The following CEMIP variants were observed in gnomAD, a reference collection of about 807,000 sequenced individuals.
The protein encoded by CEMIP is cell migration inducing hyaluronidase 1, also known as cell migration-inducing and hyaluronan-binding protein.
A neutral mutation model predicts 156.9 loss-of-function variants in CEMIP; 105 were observed. That is an observed-to-expected ratio of 0.67 (90% CI 0.57 to 0.79). CEMIP has a LOEUF of 0.79. Among genes scored for constraint, CEMIP ranks in the 30% least tolerant of loss-of-function variants. The pLI is 0.00. For synonymous variants in CEMIP, 676 were observed against 668.4 expected (o/e 1.01, Z -0.17); for missense variants, 1,457 against 1,769.4 (o/e 0.82, Z 3.17).
At chr15:80,850,421 C>T (rs1212529297) in intron 1 of CEMIP, among the ~76,000 whole-genome samples, 2 of 152,180 alleles carry the variant, frequency 1.3e-5, no homozygotes, top group Non-Finnish European at 2.9e-5. Context: ...GGATTACAAA[C>T]ATGTGCCACC....
intron 3 of CEMIP, among the ~76,000 whole-genome samples, chr15:80,874,328 G>A (rs1281797567): frequency 6.6e-6 from 1 of 152,244 alleles, no homozygotes; most frequent in African/African-American, 2.4e-5. Flanking sequence ...CTAGCCAATC[G>A]CTACTGCGGG....
intron 14 of CEMIP, among the ~76,000 whole-genome samples, chr15:80,916,324 C>T (rs1188867336): frequency 6.6e-6 from 1 of 152,216 alleles, no homozygotes; most frequent in African/African-American, 2.4e-5. Flanking sequence ...CAGGAGTTTT[C>T]TCCTACACAA....
intron 29 of CEMIP, 112 bp downstream of exon 29, chr15:80,947,177 G>A (rs1038993657): frequency 3.2e-5 from 23 of 716,798 alleles, no homozygotes; most frequent in South Asian, 9.7e-5. Flanking sequence ...TGTACTAAAC[G>A]TGGGTACAAC....
chr15:80,855,639 C>G (rs963994750), intron 1 of CEMIP, among the ~76,000 whole-genome samples: 1 of 152,238 alleles, frequency 6.6e-6, no homozygotes, highest in African/African-American at 2.4e-5. Flanking sequence ...GCTCCTGTCT[C>G]GGCCTCCCAA....
At chr15:80,946,850 GGCCTCT>G in intron 28 of CEMIP, 109 bp from the exon 29 acceptor site, 1 of 735,100 alleles carries the variant, frequency 1.4e-6, no homozygotes, top group Non-Finnish European at 2.5e-6. Context: ...TCCCTGGACA[GGCCTCT>G]GGGCACTGCT....
At chr15:80,916,952 G>C (rs773715577) in intron 14 of CEMIP, among the ~76,000 whole-genome samples, 4 of 152,170 alleles carry the variant, frequency 2.6e-5, no homozygotes, top group Non-Finnish European at 5.9e-5. Context: ...TGACACACAG[G>C]TTATGGACTC....
intron 9 of CEMIP, among the ~76,000 whole-genome samples, chr15:80,889,036 C>T (rs1211432364): frequency 1.3e-5 from 2 of 152,212 alleles, no homozygotes; most frequent in Non-Finnish European, 2.9e-5. Context: ...GGGTCTGCGG[C>T]ATTCAGCTTA....
intron 1 of CEMIP, among the ~76,000 whole-genome samples, chr15:80,828,360 A>G (rs1897085560): frequency 6.6e-6 from 1 of 151,930 alleles, no homozygotes. Context: ...AGCCTGGGTG[A>G]AAGAGTGAGA....
chr15:80,880,591 A>G (rs1898617433), intron 5 of CEMIP, among the ~76,000 whole-genome samples: 1 of 152,148 alleles, frequency 6.6e-6, no homozygotes, highest in Non-Finnish European at 1.5e-5. Context: ...ATGTTCCACC[A>G]CGCCTGGCTG....
At chr15:80,918,319 G>T (rs185655910) in intron 14 of CEMIP, among the ~76,000 whole-genome samples, 1 of 152,214 alleles carries the variant, frequency 6.6e-6, no homozygotes, top group Admixed American at 6.5e-5. Flanking sequence ...GAACTGTGAT[G>T]TCTACATCAG....
chr15:80,882,748 GCACACACATACACACACACACACACA>G (rs1444196593), intron 6 of CEMIP, among the ~76,000 whole-genome samples: 28 of 132,208 alleles, frequency 2.1e-4, no homozygotes, highest in African/African-American at 6.4e-4. Flanking sequence ...ATAAGCGCAT[GCACACACATACACACACACACACACA>G]CACACACATA....
chr15:80,942,349 T>C lies in CEMIP; in HGVS notation c.3699+12T>C. The C allele has an allele frequency of 6.2e-7, 1 of 1,609,868 alleles. No individual in the cohort carries two copies. The highest frequency in any genetic ancestry group is 2.2e-5 in the East Asian group (1 of 44,860). On this transcript the variant is annotated intron_variant, in intron 27 of 29. Transcript: ENST00000394685. ...TCGCTTACATTGAAGTAAGTGCCTC[T>C]GGCCCCTGGAGGATTCGGGTTTGCT...
Position 80,925,656 on chromosome 15 carries a change from A to G in CEMIP, c.2321A>G (p.Lys774Arg). ...YSPHQDADPL[K>R]PREPAIIRHF... ...CCTCACCAGGACGCCGACCCGCTGA[A>G]GCCCCGGGAGCCGGCCATCATCAGA... The change falls in exon 19 of 30, where the codon AAG (lysine) becomes AGG (arginine). Residue 774 changes from lysine to arginine, a missense_variant. Transcript: ENST00000394685. 6.2e-7 allele frequency: 1 copy of G among 1,613,568 alleles called. No homozygotes were observed. The highest frequency in any genetic ancestry group is 1.3e-5 in the African/African-American group (1 of 75,008).
At chr15:80,848,197 A>T (rs1396679695) in intron 1 of CEMIP, among the ~76,000 whole-genome samples, 2 of 152,202 alleles carry the variant, frequency 1.3e-5, no homozygotes, top group Non-Finnish European at 2.9e-5. Flanking sequence ...GGGCTGAGGT[A>T]GCGTATTCTT....
At chr15:80,813,858 C>T (rs1896726319) in intron 1 of CEMIP, among the ~76,000 whole-genome samples, 2 of 152,064 alleles carry the variant, frequency 1.3e-5, no homozygotes, top group Admixed American at 1.3e-4. Context: ...TTCTAAAAGG[C>T]AAATTTGATC....
At chr15:80,947,162 T>C in intron 29 of CEMIP, 97 bp downstream of exon 29, 1 of 772,386 alleles carries the variant, frequency 1.3e-6, no homozygotes, top group South Asian at 1.5e-5. Context: ...GTTGAGAACA[T>C]GCTTTGTACT....
intron 12 of CEMIP, chr15:80,896,418 C>T: frequency 2.1e-6 from 1 of 483,458 alleles, no homozygotes; most frequent in Non-Finnish European, 4.1e-6. Flanking sequence ...ATGGCACATT[C>T]TCACACATTC....
In CEMIP at chr15:80,932,167, C is replaced by G; in HGVS notation, c.2793+128C>G. On this transcript the variant is annotated intron_variant, in intron 22 of 29. Transcript: ENST00000394685. This position sits in a 1 kb window ranked among gnomAD's most constrained non-coding sequence, Gnocchi z 4.5. ...GGTTGAGAAGCCTCCTCCAACTAGG[C>G]TGGGCCATGTCCCAGTTTGCTCTTC... 9.4e-7 allele frequency: 1 copy of G among 1,066,164 alleles called. No homozygotes were observed. Among genetic ancestry groups the G allele is most frequent in the Non-Finnish European group, 1.4e-6 (1 of 709,016 alleles). The allele number at this position is 1,066,164 out of a possible 1,614,324, so 66.0% of individuals were successfully genotyped here.
At chr15:80,815,556 C>T (rs1411081687) in intron 1 of CEMIP, among the ~76,000 whole-genome samples, 1 of 132,568 alleles carries the variant, frequency 7.5e-6, no homozygotes, top group Non-Finnish European at 1.7e-5. Flanking sequence ...TCCCTTCCTA[C>T]CTCCCTTCTT....
Sources: gnomAD v4.1 joint callset for allele counts (sites outside exome capture counted in the v4.1 genomes callset) on GRCh38, gnomAD v4.1.1 for gene constraint, Gnocchi (gnomAD v3.1) non-coding constraint, MANE v1.5 for transcripts, NCBI Gene and HGNC (gene_info 2026-07-23, HGNC 2026-07-21) for gene names.